TACC2: variants seen among roughly 807,000 people sequenced by gnomAD.
TACC2 encodes transforming acidic coiled-coil containing protein 2.
TACC2 carries 137 observed loss-of-function variants against 227.3 expected under a neutral mutation model. The observed-to-expected ratio is 0.60, with a 90% CI of 0.52 to 0.69. The LOEUF (loss-of-function observed/expected upper bound fraction) is 0.69, where lower values mean the gene tolerates loss of function less well. Ranked by LOEUF, TACC2 falls within the 30% of genes least tolerant of loss-of-function variation. The probability of loss-of-function intolerance (pLI) is 0.00; values close to 1 mark genes in which losing one functional copy is unlikely to be tolerated. For missense variants in TACC2, 3,470 were observed against 3,694.4 expected, an observed-to-expected ratio of 0.94 and a Z score of 1.57; for synonymous variants, 1,523 against 1,487.5, an observed-to-expected ratio of 1.02 and a Z score of -0.55.
At chr10:122,185,386 G>C (rs1231882631) in intron 7 of TACC2, among the ~76,000 whole-genome samples, 2 of 146,024 alleles carry the variant, frequency 1.4e-5, no homozygotes, top group Admixed American at 1.3e-4. Context: ...AGTAGAGATG[G>C]GGTTTCTCCA....
At chr10:122,014,319 C>G (rs1177121791) in intron 1 of TACC2, among the ~76,000 whole-genome samples, 1 of 151,658 alleles carries the variant, frequency 6.6e-6, no homozygotes, top group Non-Finnish European at 1.5e-5. Context: ...AAGCGATTCT[C>G]CTGCCTCAGC....
chr10:122,243,939 A>G (rs924288223), intron 19 of TACC2, among the ~76,000 whole-genome samples: 1 of 152,260 alleles, frequency 6.6e-6, no homozygotes, highest in African/African-American at 2.4e-5. Flanking sequence ...TGATATAAAC[A>G]GACATTCCCT....
At chr10:122,103,403 T>C (rs963815885) in intron 5 of TACC2, among the ~76,000 whole-genome samples, 1 of 152,224 alleles carries the variant, frequency 6.6e-6, no homozygotes, top group Non-Finnish European at 1.5e-5. Flanking sequence ...ACCTGCTGCA[T>C]AGGCTCATTA....
chr10:122,216,745 T>G lies in TACC2; in HGVS notation c.7463T>G (p.Leu2488Arg), dbSNP rs752599030. The G allele has an allele frequency of 2.5e-6, 4 of 1,614,124 alleles. No individual in the cohort carries two copies. The highest frequency in any genetic ancestry group is 3.4e-6 in the Non-Finnish European group (4 of 1,180,034). ...NQKWTCMTVDLEADKQDYPQP... is the reference protein window; with the variant it reads ...NQKWTCMTVDREADKQDYPQP... ...AAGTGGACGTGCATGACAGTGGACC[T>G]AGAGGCTGACAAACAGGACTACCCG... is the stretch of plus-strand genomic sequence containing the variant. Residue 2488 changes from leucine to arginine, a missense_variant, in exon 11 of 23, where the codon CTA becomes CGA. Transcript: ENST00000369005.
chr10:122,163,979 G>A (rs764008950), intron 7 of TACC2: 6 of 1,585,840 alleles, frequency 3.8e-6, no homozygotes, highest in Admixed American at 1.8e-5. Context: ...GAACCTGGAG[G>A]CTTCCGAGGC....
intron 7 of TACC2, among the ~76,000 whole-genome samples, chr10:122,147,122 G>T (rs1320731388): frequency 6.6e-6 from 1 of 151,986 alleles, no homozygotes; most frequent in Non-Finnish European, 1.5e-5. Context: ...CTGAGGTCAT[G>T]TTTGTTGACT....
At chr10:122,067,848 T>C (rs999838720) in intron 3 of TACC2, among the ~76,000 whole-genome samples, 5 of 152,168 alleles carry the variant, frequency 3.3e-5, no homozygotes, top group Non-Finnish European at 5.9e-5. Flanking sequence ...GTTGAGATTG[T>C]TGGATATGTT....
chr10:122,083,735 C>A lies in TACC2; in HGVS notation c.1235C>A (p.Pro412Gln), dbSNP rs146365477. Reference protein sequence around the residue: ...PVSPEPSLLTPTEEAHPASSL... With the variant: ...PVSPEPSLLTQTEEAHPASSL... ...AGCCCTGAACCTTCCCTGCTCACTC[C>A]GACTGAGGAAGCACATCCAGCTTCA... Residue 412 changes from proline to glutamine, a missense_variant, in exon 4 of 23, where the codon CCG becomes CAG. By Grantham distance (76) the Pro-to-Gln change is moderately conservative. Transcript: ENST00000369005. The A allele has an allele frequency of 6.2e-7, 1 of 1,613,916 alleles. No homozygotes were observed. Among genetic ancestry groups the A allele is most frequent in the African/African-American group, 1.3e-5 (1 of 74,942 alleles).
intron 5 of TACC2, among the ~76,000 whole-genome samples, chr10:122,118,337 G>C (rs1332513610): frequency 6.6e-6 from 1 of 152,000 alleles, no homozygotes; most frequent in African/African-American, 2.4e-5. Flanking sequence ...TTCTTACCTT[G>C]ACTGAAACTG....
At chr10:122,020,959 C>T (rs1162956600) in intron 1 of TACC2, among the ~76,000 whole-genome samples, 4 of 152,070 alleles carry the variant, frequency 2.6e-5, no homozygotes, top group East Asian at 3.9e-4. Context: ...AGGCCGGGCG[C>T]GGTGGCTCAT....
chr10:122,208,229 C>G (rs577055363), intron 8 of TACC2, among the ~76,000 whole-genome samples: 1 of 152,300 alleles, frequency 6.6e-6, no homozygotes, highest in African/African-American at 2.4e-5. Flanking sequence ...AGGACTAGCT[C>G]ATAGATGTGC....
intron 7 of TACC2, among the ~76,000 whole-genome samples, chr10:122,165,745 G>T (rs926161062): frequency 6.6e-6 from 1 of 152,108 alleles, no homozygotes; most frequent in Admixed American, 6.5e-5. Flanking sequence ...AGATCTTTAC[G>T]ATAGTATATT....
intron 5 of TACC2, among the ~76,000 whole-genome samples, chr10:122,113,857 C>A (rs1279024671): frequency 6.6e-6 from 1 of 152,230 alleles, no homozygotes. Flanking sequence ...GCTCCCGCCG[C>A]AGAGTGCGCC....
intron 6 of TACC2, among the ~76,000 whole-genome samples, chr10:122,136,661 G>C (rs887578612): frequency 3.3e-5 from 5 of 151,630 alleles, no homozygotes; most frequent in African/African-American, 1.2e-4. Context: ...TCAAGCAATT[G>C]TTCTGCCTCA....
chr10:122,046,929 C>G (rs2075071526), intron 2 of TACC2, among the ~76,000 whole-genome samples: 1 of 152,112 alleles, frequency 6.6e-6, no homozygotes, highest in Non-Finnish European at 1.5e-5. Flanking sequence ...ATGCCACTCA[C>G]TCAGTATTGT....
At chr10:122,015,168 T>TA (rs893523247) in intron 1 of TACC2, among the ~76,000 whole-genome samples, 4 of 149,640 alleles carry the variant, frequency 2.7e-5, no homozygotes, top group African/African-American at 9.8e-5. Context: ...AAAGAGGACA[T>TA]AAGTACCTAA....
At chr10:122,068,854 T>A (rs1354130848) in intron 3 of TACC2, among the ~76,000 whole-genome samples, 1 of 89,986 alleles carries the variant, frequency 1.1e-5, no homozygotes, top group Non-Finnish European at 2.3e-5. Flanking sequence ...GACCTAGAAG[T>A]TTTTTTTTTT....
chr10:122,224,284 A>G (rs1385383844), intron 11 of TACC2, among the ~76,000 whole-genome samples: 2 of 152,198 alleles, frequency 1.3e-5, no homozygotes, highest in African/African-American at 4.8e-5. Context: ...GCCAGAGCTG[A>G]ATACCCAGAG....
chr10:122,091,106 G>A lies in TACC2; in HGVS notation c.5573+2515G>A, dbSNP rs191134867. ...GGTTTTAACAGCAATGGAAATTTAGGTTCTGATGGTGTTCCTATTCACTTT... is the reference window on the plus strand; with the variant it reads ...GGTTTTAACAGCAATGGAAATTTAGATTCTGATGGTGTTCCTATTCACTTT... On this transcript the variant is annotated intron_variant, in intron 5 of 22. Coordinates refer to ENST00000369005, the MANE Select transcript of TACC2 (RefSeq NM_206862.4). Among the ~76,000 whole-genome samples the A allele has an allele frequency of 2.6e-5, 4 of 152,202 alleles. No individual in the cohort carries two copies. In the East Asian group the frequency reaches 7.7e-4, roughly 29 times the overall value.
Sources: allele counts gnomAD v4.1 joint callset (sites outside exome capture counted in the v4.1 genomes callset), GRCh38; gene constraint gnomAD v4.1.1; transcripts MANE v1.5; gene names NCBI Gene and HGNC (gene_info 2026-07-23, HGNC 2026-07-21).